Variants in NEBL observed in about 807,000 individuals in gnomAD.
The protein encoded by NEBL is nebulette.
A neutral mutation model predicts 140.2 loss-of-function variants in NEBL; 122 were observed. The ratio of observed to expected loss-of-function variants is 0.87; its 90% CI spans 0.75 to 1.01. NEBL has a LOEUF of 1.01. Among genes scored for constraint, NEBL ranks in the 50% least tolerant of loss-of-function variants. The pLI is 0.00. For synonymous variants in NEBL, 436 were observed against 398.9 expected, an observed-to-expected ratio of 1.09 and a Z score of -1.11; for missense variants, 1,365 against 1,231.3, an observed-to-expected ratio of 1.11 and a Z score of -1.62.
At chr10:21,195,187 C>A (rs953176021) in intron 3 of NEBL, among the ~76,000 whole-genome samples, 1 of 152,126 alleles carries the variant, frequency 6.6e-6, no homozygotes, top group East Asian at 1.9e-4. Flanking sequence ...CAAGCAGTCA[C>A]CCTAGAAATG....
intron 3 of NEBL, among the ~76,000 whole-genome samples, chr10:21,015,285 T>C (rs12240662): frequency 0.016 from 2,452 of 152,274 alleles, 69 homozygotes; most frequent in African/African-American, 0.055. Flanking sequence ...CCTGCTTCAA[T>C]CACGGTAGCT....
At chr10:21,113,291 A>G (rs1018861358) in intron 2 of NEBL, 3 of 129,606 alleles carry the variant, frequency 2.3e-5, no homozygotes, top group African/African-American at 1.6e-4. Context: ...TGAGAATCCT[A>G]AAAAAAAAAA....
At chr10:21,117,175 A>G (rs912147726) in intron 2 of NEBL, among the ~76,000 whole-genome samples, 1 of 151,942 alleles carries the variant, frequency 6.6e-6, no homozygotes, top group Non-Finnish European at 1.5e-5. Flanking sequence ...ATTTGGCTCC[A>G]CCATGAGACC....
intron 3 of NEBL, among the ~76,000 whole-genome samples, chr10:20,994,357 C>A (rs1428230625): frequency 6.6e-6 from 1 of 152,176 alleles, no homozygotes; most frequent in Non-Finnish European, 1.5e-5. Flanking sequence ...CCAGGGGGAT[C>A]TTTCAATGAA....
At chr10:21,216,903 G>A (rs543581197) in intron 3 of NEBL, among the ~76,000 whole-genome samples, 9 of 152,142 alleles carry the variant, frequency 5.9e-5, no homozygotes, top group East Asian at 3.9e-4. Flanking sequence ...CAGGAGAATC[G>A]CTTGAACCCA....
chr10:21,155,876 T>C (rs1249208272), intron 2 of NEBL, among the ~76,000 whole-genome samples: 1 of 152,116 alleles, frequency 6.6e-6, no homozygotes. Flanking sequence ...TCACAATCAA[T>C]TCCTCTGCAG....
chr10:20,812,506 C>CA (rs1838259909), intron 24 of NEBL, among the ~76,000 whole-genome samples: 1 of 146,072 alleles, frequency 6.8e-6, no homozygotes, highest in Non-Finnish European at 1.5e-5. Context: ...GTGTGTGATA[C>CA]AAGGAGGAAC....
chr10:20,797,820 A>G (rs190342278), intron 26 of NEBL, among the ~76,000 whole-genome samples: 97 of 152,206 alleles, frequency 6.4e-4, no homozygotes, highest in Non-Finnish European at 1.2e-3. Context: ...AATGAAAAAT[A>G]TAGACATGGT....
intron 3 of NEBL, among the ~76,000 whole-genome samples, chr10:21,235,306 A>T (rs1011082699): frequency 6.6e-6 from 1 of 152,034 alleles, no homozygotes; most frequent in South Asian, 2.1e-4. Flanking sequence ...TTAAAAAAAA[A>T]TCCAAATGTT....
At chr10:20,941,043 TC>T (rs1397940957) in intron 4 of NEBL, among the ~76,000 whole-genome samples, 1 of 152,072 alleles carries the variant, frequency 6.6e-6, no homozygotes, top group African/African-American at 2.4e-5. Context: ...CTGAAACTAT[TC>T]CAATCAATAG....
chr10:20,967,520 C>T (rs1018133172), intron 3 of NEBL, among the ~76,000 whole-genome samples: 12 of 151,778 alleles, frequency 7.9e-5, no homozygotes, highest in Admixed American at 3.9e-4. Flanking sequence ...CCCAGCTACT[C>T]GGGAGGCTGA....
chr10:20,991,394 T>G (rs1837449585), intron 3 of NEBL, among the ~76,000 whole-genome samples: 1 of 152,248 alleles, frequency 6.6e-6, no homozygotes, highest in Admixed American at 6.5e-5. Flanking sequence ...GACAATCAAT[T>G]TAGTCACATT....
chr10:20,999,193 A>C (rs1177706355), intron 3 of NEBL, among the ~76,000 whole-genome samples: 1 of 152,016 alleles, frequency 6.6e-6, no homozygotes, highest in Non-Finnish European at 1.5e-5. Context: ...TCAGGGAAGA[A>C]AGGCGTACTC....
upstream of NEBL, chr10:20,899,619 T>C: frequency 3.1e-6 from 1 of 321,032 alleles, no homozygotes. Flanking sequence ...CTTTCACAGA[T>C]GACAAAATGA....
intron 3 of NEBL, among the ~76,000 whole-genome samples, chr10:21,225,565 T>C (rs899911363): frequency 3.3e-5 from 5 of 152,312 alleles, no homozygotes; most frequent in South Asian, 2.1e-4. Flanking sequence ...TGGTGCTCTG[T>C]GCTACTGCAG....
chr10:20,978,065 G>C (rs1180793895), intron 3 of NEBL, among the ~76,000 whole-genome samples: 1 of 151,946 alleles, frequency 6.6e-6, no homozygotes, highest in African/African-American at 2.4e-5. Flanking sequence ...AAATGCTCTG[G>C]GCTCCTAACG....
chr10:21,180,958 T>C (rs540222896), intron 3 of NEBL, among the ~76,000 whole-genome samples: 1 of 152,152 alleles, frequency 6.6e-6, no homozygotes, highest in South Asian at 2.1e-4. Context: ...GTATTTTTTT[T>C]AAATAAAAAT....
At chr10:20,924,488 C>CCTT (rs1564445648) in intron 4 of NEBL, among the ~76,000 whole-genome samples, 2 of 137,924 alleles carry the variant, frequency 1.5e-5, no homozygotes, top group Admixed American at 7.9e-5. Context: ...ATAAGCTCCT[C>CCTT]GGAAGAGAAA....
At chr10:20,815,456 G>A (rs1838630343) in intron 22 of NEBL, among the ~76,000 whole-genome samples, 169 bp downstream of exon 22, 1 of 152,182 alleles carries the variant, frequency 6.6e-6, no homozygotes, top group Admixed American at 6.5e-5. Context: ...TAATGTAAAT[G>A]TTTGCAGTGG....
Sources: gnomAD v4.1 joint callset for allele counts (sites outside exome capture counted in the v4.1 genomes callset) on GRCh38, gnomAD v4.1.1 for gene constraint, MANE v1.5 for transcripts, NCBI Gene and HGNC (gene_info 2026-07-23, HGNC 2026-07-21) for gene names.